The following TOPAZ1 variants were observed in gnomAD, a reference collection of about 807,000 sequenced individuals.
TOPAZ1 encodes the protein testis and ovary specific TOPAZ 1, also known as protein TOPAZ1.
TOPAZ1 carries 66 observed loss-of-function variants against 172.2 expected under a neutral mutation model. The observed-to-expected ratio is 0.38, with a 90% CI of 0.31 to 0.47. The LOEUF is 0.47. Among genes scored for constraint, TOPAZ1 ranks in the 20% least tolerant of loss-of-function variants. The probability of loss-of-function intolerance (pLI) is 0.99; values close to 1 mark genes in which losing one functional copy is unlikely to be tolerated. For synonymous variants in TOPAZ1, 681 were observed against 683.9 expected (o/e 1.00, Z 0.07); for missense variants, 1,822 against 1,972.4 (o/e 0.92, Z 1.44).
chr3:44,288,458 C>A (rs1700102513), intron 11 of TOPAZ1, among the ~76,000 whole-genome samples: 1 of 152,078 alleles, frequency 6.6e-6, no homozygotes, highest in East Asian at 1.9e-4. Flanking sequence ...CTGAAGCAGG[C>A]AGATCACAGG....
At chr3:44,254,853 A>AG (rs1261849263) in intron 2 of TOPAZ1, 115 bp from the exon 3 acceptor site, 4 of 669,424 alleles carry the variant, frequency 6.0e-6, no homozygotes, top group Non-Finnish European at 1.0e-5. Context: ...TCTGCCCTGG[A>AG]GGACTTGAGC....
In TOPAZ1 at chr3:44,277,482, T is replaced by C. The variant is rs983587270; in HGVS notation, c.3373-4486T>C. On this transcript the variant is annotated intron_variant, in intron 8 of 19. Coordinates refer to ENST00000309765, the MANE Select transcript of TOPAZ1 (RefSeq NM_001145030.2). Reference sequence around the variant, plus strand: ...CTCCAACTTGGATGCCTTTTATTTCTTTCTCTTGCCTGCTTGCTCTGGCCA... The same window carrying C: ...CTCCAACTTGGATGCCTTTTATTTCCTTCTCTTGCCTGCTTGCTCTGGCCA... Among the ~76,000 whole-genome samples the C allele has an allele frequency of 2.6e-5, 4 of 152,246 alleles. No homozygotes were observed. In the South Asian group the frequency reaches 8.3e-4, roughly 31 times the overall value.
chr3:44,257,438 ATG>A (rs1217031994), intron 4 of TOPAZ1, among the ~76,000 whole-genome samples: 11 of 119,274 alleles, frequency 9.2e-5, no homozygotes, highest in Non-Finnish European at 1.4e-4. Flanking sequence ...TATATATAAA[ATG>A]TGTGTGTATC....
chr3:44,269,729 C>G (rs1263921759), intron 7 of TOPAZ1, among the ~76,000 whole-genome samples: 3 of 151,398 alleles, frequency 2.0e-5, no homozygotes, highest in Non-Finnish European at 4.4e-5. Context: ...CAAGCCTCAG[C>G]CTTAAGATTC....
Position 44,260,708 on chromosome 3 carries a change from G to A in TOPAZ1, c.2956-1711G>A, listed in dbSNP as rs144647876. On this transcript the variant is annotated intron_variant, in intron 4 of 19. Transcript: ENST00000309765. The stretch of plus-strand genomic sequence containing the variant: ...GTTTCTGCCTTTGGTGTCACGCTTA[G>A]GCTTTCCCAACCCTCCAAATTATAT... Among the ~76,000 whole-genome samples, 314 of 152,066 alleles carry A rather than the reference G, an allele frequency of 2.1e-3. 1 individual carries two copies. The highest frequency in any genetic ancestry group is 6.4e-3 in the African/African-American group (266 of 41,514).
rs577598972 is a variant in TOPAZ1, at chr3:44,273,585, C to T, written c.3372+2775C>T. Among the ~76,000 whole-genome samples, 6 of 152,298 alleles carry T rather than the reference C, an allele frequency of 3.9e-5. No individual in the cohort carries two copies. The East Asian group carries it at 7.7e-4, about 20-fold the overall frequency. On this transcript the variant is annotated intron_variant, in intron 8 of 19. Transcript: ENST00000309765. The stretch of plus-strand genomic sequence containing the variant: ...CATTCATCAACTTACAATCACTTGT[C>T]AGTGTATTTGTCAAATTTCACTTCC...
chr3:44,250,110 G>A (rs938387441), intron 2 of TOPAZ1, among the ~76,000 whole-genome samples: 9 of 152,030 alleles, frequency 5.9e-5, no homozygotes, highest in Non-Finnish European at 1.3e-4. Context: ...TGCATAGACT[G>A]GATCTATGCC....
chr3:44,273,637 A>C (rs1699921551), intron 8 of TOPAZ1, among the ~76,000 whole-genome samples: 1 of 152,164 alleles, frequency 6.6e-6, no homozygotes, highest in Non-Finnish European at 1.5e-5. Flanking sequence ...CCCATGCTCC[A>C]ATCACACCAT....
chr3:44,296,530 A>G (rs1180824519), intron 12 of TOPAZ1, among the ~76,000 whole-genome samples: 1 of 152,098 alleles, frequency 6.6e-6, no homozygotes, highest in Non-Finnish European at 1.5e-5. Context: ...ATTGCCTTGA[A>G]CAACTTGACA....
In TOPAZ1 at chr3:44,284,138, A is replaced by T. The variant is rs7639096; in HGVS notation, c.3436+2107A>T. Among the ~76,000 whole-genome samples the T allele has an allele frequency of 3.3e-5, 5 of 152,016 alleles. No individual in the cohort carries two copies. The South Asian group carries it at 8.3e-4, about 25-fold the overall frequency. On this transcript the variant is annotated intron_variant, in intron 9 of 19. Transcript: ENST00000309765. ...TGATAAAATATACATAAAATTTACC[A>T]TTTTAAACATTTTTAAGTGTACGAT...
At chr3:44,326,530 A>G (rs1379499677) in intron 18 of TOPAZ1, among the ~76,000 whole-genome samples, 1 of 152,124 alleles carries the variant, frequency 6.6e-6, no homozygotes, top group African/African-American at 2.4e-5. Context: ...TCATACATAC[A>G]TACACATGTA....
rs1343292074 is a variant in TOPAZ1, at chr3:44,245,191, C to T, written c.2685C>T (p.Pro895=). ...AGGTCCCAAAGATAAGCCAGGAGCC[C>T]AATGTTGCTGGAGAGCACCAATCAA... ...TSEVPKISQE[P]NVAGEHQSTD... The change falls in exon 2 of 20, where the codon CCC becomes CCT. Residue 895 remains proline, a synonymous_variant. Transcript: ENST00000309765. 1 of 1,551,686 alleles carries T rather than the reference C, an allele frequency of 6.4e-7. No individual in the cohort carries two copies. The highest frequency in any genetic ancestry group is 1.2e-5 in the South Asian group (1 of 84,016).
chr3:44,300,931 A>T (rs1482253442), intron 12 of TOPAZ1, among the ~76,000 whole-genome samples: 1 of 152,192 alleles, frequency 6.6e-6, no homozygotes, highest in Non-Finnish European at 1.5e-5. Context: ...ACCATGGCAT[A>T]CTATTCAGGA....
intron 16 of TOPAZ1, among the ~76,000 whole-genome samples, chr3:44,315,105 GTGGATGGATGGATGGA>G (rs34398632): frequency 2.0e-5 from 3 of 149,888 alleles, no homozygotes; most frequent in Non-Finnish European, 4.4e-5. Context: ...ATTAGTTGAG[GTGGATGGATGGATGGA>G]TGGATGGATG....
intron 8 of TOPAZ1, among the ~76,000 whole-genome samples, chr3:44,273,158 C>T (rs1699916291): frequency 6.6e-6 from 1 of 152,240 alleles, no homozygotes; most frequent in African/African-American, 2.4e-5. Flanking sequence ...TGAAACAGAG[C>T]TCTCTGAACC....
intron 14 of TOPAZ1, among the ~76,000 whole-genome samples, 185 bp from the exon 15 acceptor site, chr3:44,306,141 T>C (rs1002620698): frequency 6.6e-6 from 1 of 152,244 alleles, no homozygotes. Context: ...CATAGTTTTA[T>C]TTTCTTTTTA....
chr3:44,291,695 TAA>T (rs200756712), intron 12 of TOPAZ1, among the ~76,000 whole-genome samples: 4 of 137,156 alleles, frequency 2.9e-5, no homozygotes, highest in Admixed American at 7.3e-5. Context: ...GGCCATGACT[TAA>T]AAAAAAAAAA....
chr3:44,322,744 A>G (rs1430484773), intron 17 of TOPAZ1, among the ~76,000 whole-genome samples: 3 of 152,106 alleles, frequency 2.0e-5, no homozygotes, highest in Non-Finnish European at 4.4e-5. Context: ...CAACATGGTG[A>G]AACCCTGCCT....
At chr3:44,306,972 T>C (rs1487322842) in intron 15 of TOPAZ1, among the ~76,000 whole-genome samples, 1 of 152,186 alleles carries the variant, frequency 6.6e-6, no homozygotes, top group Non-Finnish European at 1.5e-5. Flanking sequence ...GTATCAGTTA[T>C]ATTGTAATTT....
Sources: allele counts gnomAD v4.1 joint callset (sites outside exome capture counted in the v4.1 genomes callset), GRCh38; gene constraint gnomAD v4.1.1; transcripts MANE v1.5; gene names NCBI Gene and HGNC (gene_info 2026-07-23, HGNC 2026-07-21).